Variants in UTP15 observed in about 807,000 individuals in gnomAD.
UTP15 encodes U3 small nucleolar RNA-associated protein 15 homolog.
Under a neutral mutation model 59.1 loss-of-function variants are expected in UTP15, and 5 were observed. That is an observed-to-expected ratio of 0.08 (90% CI 0.04 to 0.18). The LOEUF (loss-of-function observed/expected upper bound fraction) is 0.18. UTP15 is among the 10% of genes least tolerant of loss of function. UTP15 has a pLI of 1.00. For missense variants in UTP15, 494 were observed against 616.7 expected, an observed-to-expected ratio of 0.80 and a Z score of 2.11; for synonymous variants, 211 against 212.2, an observed-to-expected ratio of 0.99 and a Z score of 0.05.
At chr5:73,578,062 T>C (rs1748156088) in intron 9 of UTP15, 57 bp downstream of exon 9, 2 of 1,542,454 alleles carry the variant, frequency 1.3e-6, no homozygotes, top group Admixed American at 4.5e-5. Context: ...AGTAGCCAGC[T>C]TCATCCCTGC....
chr5:73,568,137 A>G, intron 2 of UTP15, 98 bp from the exon 3 acceptor site: 1 of 876,326 alleles, frequency 1.1e-6, no homozygotes, highest in Non-Finnish European at 1.7e-6. Context: ...AAGAAATGTT[A>G]CTAAGAACAA....
chr5:73,576,168 G>A (rs1220354108), intron 7 of UTP15, among the ~76,000 whole-genome samples: 25 of 149,446 alleles, frequency 1.7e-4, no homozygotes, highest in Admixed American at 1.3e-3. Flanking sequence ...GCAGTGGCAC[G>A]ATTTCGGCTC....
chr5:73,570,758 C>A, intron 6 of UTP15, 47 bp downstream of exon 6: 1 of 1,601,778 alleles, frequency 6.2e-7, no homozygotes, highest in South Asian at 1.1e-5. Flanking sequence ...TTTTGAATCA[C>A]GTTTGTTTAA....
rs1747839074 is a variant in UTP15, at chr5:73,568,275, T to C, written c.131T>C (p.Val44Ala). ...QIKEFGAVSKVDFSPQPPYNY... is the reference protein window; with the variant it reads ...QIKEFGAVSKADFSPQPPYNY... ...AAGGAATTTGGTGCAGTTTCAAAAG[T>C]AGACTTTTCTCCTCAGCCTCCATAT... is the stretch of plus-strand genomic sequence containing the variant. Residue 44 changes from valine (V) to alanine (A), a missense_variant, in exon 3 of 13, where the codon GTA becomes GCA. By Grantham distance (64) the Val-to-Ala change is moderately conservative. Coordinates refer to ENST00000296792, the MANE Select transcript of UTP15 (RefSeq NM_032175.4). 3 of 1,611,144 alleles carry C rather than the reference T, an allele frequency of 1.9e-6. No individual in the cohort carries two copies. Among genetic ancestry groups the C allele is most frequent in the Non-Finnish European group, 2.5e-6 (3 of 1,179,276 alleles).
Position 73,572,577 on chromosome 5 carries a change from A to G in UTP15, c.762A>G (p.Leu254=), listed in dbSNP as rs139010736. Residue 254 remains leucine, a synonymous_variant, in exon 7 of 13, where the codon TTA becomes TTG. Transcript: ENST00000296792. ...ATCATCACAAAACCGTGACATGTTT[A>G]TGTCTAAGCAGCTCTGGACAGAGGT... ...LKNHHKTVTC[L]CLSSSGQRLL... The G allele has an allele frequency of 1.5e-3, 2,477 of 1,614,180 alleles. 2 individuals carry two copies. Among genetic ancestry groups the G allele is most frequent in the Non-Finnish European group, 2.0e-3 (2,306 of 1,180,022 alleles).
In UTP15 at chr5:73,579,479, C is replaced by G. The variant is rs974020054; in HGVS notation, c.1339+104C>G. ...GTAGATCAAAATATCTTGCTTTTAT[C>G]AAATCTCAATATGGATTTTCATGGA... On this transcript the variant is annotated intron_variant, in intron 12 of 12. Coordinates refer to ENST00000296792, the MANE Select transcript of UTP15 (RefSeq NM_032175.4). 63 of 895,582 alleles carry G rather than the reference C, an allele frequency of 7.0e-5. 1 individual carries two copies. In the Middle Eastern group the frequency reaches 1.9e-3, roughly 27 times the overall value. The allele number at this position is 895,582 out of a possible 1,614,324, so 55.5% of individuals were successfully genotyped here.
chr5:73,572,367 G>C, intron 6 of UTP15, 122 bp from the exon 7 acceptor site: 2 of 1,300,542 alleles, frequency 1.5e-6, no homozygotes, highest in Non-Finnish European at 1.1e-6. Flanking sequence ...AGGCAGCCTG[G>C]CCTGGACTCC....
intron 6 of UTP15, among the ~76,000 whole-genome samples, chr5:73,571,045 T>A (rs181834835): frequency 2.0e-5 from 3 of 152,298 alleles, no homozygotes; most frequent in East Asian, 3.9e-4. Flanking sequence ...ACTCGAGAGC[T>A]CTGTGTATTT....
Position 73,579,500 on chromosome 5 carries a change from A to G in UTP15, c.1339+125A>G, listed in dbSNP as rs1748232028. On this transcript the variant is annotated intron_variant, in intron 12 of 12. Coordinates refer to ENST00000296792, the MANE Select transcript of UTP15 (RefSeq NM_032175.4). ...TTATCAAATCTCAATATGGATTTTC[A>G]TGGAGAAAACAACAAGTCAGTGCAG... 3.8e-6 allele frequency: 3 copies of G among 789,418 alleles called. No individual in the cohort carries two copies. In the Admixed American group the frequency reaches 9.0e-5, roughly 24 times the overall value. 48.9% of individuals were successfully genotyped at this position (789,418 alleles called of 1,614,324 possible).
At chr5:73,578,557 A>G (rs1222547874) in intron 9 of UTP15, 194 bp from the exon 10 acceptor site, 2 of 527,266 alleles carry the variant, frequency 3.8e-6, no homozygotes, top group Non-Finnish European at 6.7e-6. Flanking sequence ...TGATGTAGCA[A>G]GTTACTCCTT....
intron 5 of UTP15, 42 bp downstream of exon 5, chr5:73,569,717 G>A: frequency 1.4e-6 from 2 of 1,478,210 alleles, no homozygotes; most frequent in Non-Finnish European, 1.8e-6. Flanking sequence ...TAATCTCACG[G>A]GGATGTACTT....
At position 73,568,436 on chromosome 5, in the gene UTP15, G is replaced by A. The variant is rs753231442; in HGVS notation, c.200G>A (p.Arg67Gln). ...ATCTTGTAGATTCACATTTATGGCC[G>A]ATACTCCCAAGAACCTATAAAAACC... ...TASSRIHIYGRYSQEPIKTFS... is the reference protein window; with the variant it reads ...TASSRIHIYGQYSQEPIKTFS... Residue 67 changes from arginine to glutamine, a missense_variant, in exon 4 of 13, where the codon CGA becomes CAA. Arg to Gln is a conservative substitution (Grantham distance 43). Transcript: ENST00000296792. 3.7e-6 allele frequency: 6 copies of A among 1,609,064 alleles called. No homozygotes were observed. In the South Asian group the frequency reaches 5.5e-5, roughly 15 times the overall value.
rs1051093757 is a variant in UTP15 at position 73,581,376 on chromosome 5, G to C, written c.*1282G>C. On this transcript the variant is annotated 3_prime_UTR_variant, in exon 13 of 13. Transcript: ENST00000296792. ...TGTAACTATTATTTTTTTATAAAGAGAGATTCTTATTTTCTTGGCTTTTTG... is the reference window on the plus strand; with the variant it reads ...TGTAACTATTATTTTTTTATAAAGACAGATTCTTATTTTCTTGGCTTTTTG... 6.6e-6 allele frequency: 1 copy of C among 152,126 alleles called. No individual in the cohort carries two copies. The highest frequency in any genetic ancestry group is 2.4e-5 in the African/African-American group (1 of 41,422). The allele number at this position is 152,126 out of a possible 1,614,324, so 9.4% of individuals were successfully genotyped here. A position where few individuals can be genotyped will look rare whatever the true frequency, so the allele number is the denominator to read the frequency against.
intron 7 of UTP15, among the ~76,000 whole-genome samples, chr5:73,574,043 G>A (rs946123554): frequency 6.6e-6 from 1 of 151,928 alleles, no homozygotes; most frequent in Non-Finnish European, 1.5e-5. Context: ...CATATTTTAG[G>A]TTGGTACAGT....
Position 73,580,005 on chromosome 5 carries a change from C to G in UTP15, c.1468C>G (p.Leu490Val). Residue 490 changes from leucine (L) to valine (V), a missense_variant, in exon 13 of 13, where the codon CTT becomes GTT. Coordinates refer to ENST00000296792, the MANE Select transcript of UTP15 (RefSeq NM_032175.4). The stretch of plus-strand genomic sequence containing the variant: ...AGAAACCTTGGGGATGATGGATATG[C>G]TTTTTGCCACCATGAGAAGGAAGGA... Reference protein sequence around the residue: ...LLETLGMMDMLFATMRRKEGT... With the variant: ...LLETLGMMDMVFATMRRKEGT... 1 of 1,613,802 alleles carries G rather than the reference C, an allele frequency of 6.2e-7. No individual in the cohort carries two copies. The highest frequency in any genetic ancestry group is 8.5e-7 in the Non-Finnish European group (1 of 1,179,818).
chr5:73,580,193 T>C lies in UTP15; in HGVS notation c.*99T>C. 1 of 1,046,516 alleles carries C rather than the reference T, an allele frequency of 9.6e-7. No homozygotes were observed. Among genetic ancestry groups the C allele is most frequent in the Non-Finnish European group, 1.4e-6 (1 of 735,686 alleles). The allele number at this position is 1,046,516 out of a possible 1,614,324, so 64.8% of individuals were successfully genotyped here. On this transcript the variant is annotated 3_prime_UTR_variant, in exon 13 of 13. Transcript: ENST00000296792. ...TCTCTTTGATACATTAAAAAAACTG[T>C]TTGCAGAAGCAGTTCTGTGGAAGAG...
At position 73,578,029 on chromosome 5, in the gene UTP15, G is replaced by T. The variant is rs542156114; in HGVS notation, c.1044+24G>T. The T allele has an allele frequency of 1.8e-5, 28 of 1,569,926 alleles. No individual in the cohort carries two copies. The African/African-American group carries it at 2.5e-4, about 14-fold the overall frequency. ...GGGTATTTGTGCATTTCTCATATTTGTTTAAAGGGTGAAATTTGTTAGAGT... is the reference window on the plus strand; with the variant it reads ...GGGTATTTGTGCATTTCTCATATTTTTTTAAAGGGTGAAATTTGTTAGAGT... On this transcript the variant is annotated intron_variant, in intron 9 of 12. Coordinates refer to ENST00000296792, the MANE Select transcript of UTP15 (RefSeq NM_032175.4).
chr5:73,565,779 G>C lies in UTP15; in HGVS notation c.-217G>C, dbSNP rs905021150. On this transcript the variant is annotated 5_prime_UTR_variant, in exon 1 of 13. Coordinates refer to ENST00000296792, the MANE Select transcript of UTP15 (RefSeq NM_032175.4). ...GCGCGACGTTCGGTTCGCTGTGTGT[G>C]TCGCCGGCTCCTTGAGGGTCCATGT... 2.2e-6 allele frequency: 1 copy of C among 456,190 alleles called. No homozygotes were observed. The highest frequency in any genetic ancestry group is 2.3e-5 in the Admixed American group (1 of 42,562). The allele number at this position is 456,190 out of a possible 1,614,324, so 28.3% of individuals were successfully genotyped here.
At chr5:73,566,661 A>G (rs2112034870) in intron 1 of UTP15, among the ~76,000 whole-genome samples, 1 of 152,306 alleles carries the variant, frequency 6.6e-6, no homozygotes, top group African/African-American at 2.4e-5. Flanking sequence ...TTTTGGCTTG[A>G]TTGCATGTTA....
Sources: gnomAD v4.1 joint callset for allele counts (sites outside exome capture counted in the v4.1 genomes callset) on GRCh38, gnomAD v4.1.1 for gene constraint, MANE v1.5 for transcripts, NCBI Gene and HGNC (gene_info 2026-07-23, HGNC 2026-07-21) for gene names.